The following CCNF variants were observed in gnomAD, a reference collection of about 807,000 sequenced individuals.
CCNF encodes the protein cyclin F.
In CCNF, 30 loss-of-function variants were observed where a neutral mutation model predicts 85.4. That is an observed-to-expected ratio of 0.35 (90% CI 0.26 to 0.48). The LOEUF is 0.48. Among genes scored for constraint, CCNF ranks in the 20% least tolerant of loss-of-function variants. The pLI, the probability that CCNF is intolerant of heterozygous loss-of-function variation, is 0.99. For missense variants in CCNF, 919 were observed against 1,010.4 expected (o/e 0.91, Z 1.23); for synonymous variants, 439 against 425.1 (o/e 1.03, Z -0.40).
At chr16:2,439,702 C>T (rs1567384912) in intron 7 of CCNF, 47 bp from the exon 8 acceptor site, 1 of 1,520,210 alleles carries the variant, frequency 6.6e-7, no homozygotes, top group South Asian at 1.1e-5. Context: ...TTCTGAGTTC[C>T]TCCCAAGACA....
intron 10 of CCNF, among the ~76,000 whole-genome samples, chr16:2,448,327 C>T (rs1299102894): frequency 6.6e-6 from 1 of 152,232 alleles, no homozygotes; most frequent in African/African-American, 2.4e-5. Flanking sequence ...GTGAGTCTGC[C>T]TAACAGCCTT....
intron 8 of CCNF, among the ~76,000 whole-genome samples, chr16:2,443,315 T>C (rs1159098434): frequency 6.6e-6 from 1 of 151,198 alleles, no homozygotes; most frequent in East Asian, 1.9e-4. Flanking sequence ...GGTGTAAACA[T>C]TGGCAGAAGC....
Position 2,451,111 on chromosome 16 carries a change from G to A in CCNF, c.1487+1196G>A, listed in dbSNP as rs1168053530. On this transcript the variant is annotated intron_variant, in intron 13 of 16. Transcript: ENST00000397066. The surrounding 1 kb of genome is among the most constrained non-coding windows in gnomAD (Gnocchi z 4.3). Reference sequence around the variant, plus strand: ...CCCTGGCAGCTTCCCTTCAGCCCACGTTGGTTTGTTCCATGCAGTTCATGA... The same window carrying A: ...CCCTGGCAGCTTCCCTTCAGCCCACATTGGTTTGTTCCATGCAGTTCATGA... 1.3e-5 allele frequency among the ~76,000 whole-genome samples: 2 copies of A among 152,216 alleles called. No homozygotes were observed. Among genetic ancestry groups the A allele is most frequent in the African/African-American group, 2.4e-5 (1 of 41,458 alleles).
In CCNF at chr16:2,430,884, G is replaced by A. The variant is rs145600387; in HGVS notation, c.17-246G>A. 6.0e-3 allele frequency: 3,959 copies of A among 658,280 alleles called. 26 individuals are homozygous for A. The highest frequency in any genetic ancestry group is 8.6e-3 in the Non-Finnish European group (3,047 of 355,900). 40.8% of individuals were successfully genotyped at this position (658,280 alleles called of 1,614,324 possible). A position where few individuals can be genotyped will look rare whatever the true frequency, so the allele number is the denominator to read the frequency against. Reference sequence around the variant, plus strand: ...CCAATAGCCAAGTTACATGACATGCGCTATTTGCCATAAATATTTGTTGAA... The same window carrying A: ...CCAATAGCCAAGTTACATGACATGCACTATTTGCCATAAATATTTGTTGAA... On this transcript the variant is annotated intron_variant, in intron 1 of 16. Transcript: ENST00000397066.
chr16:2,442,794 ATTC>A (rs1417336476), intron 8 of CCNF, among the ~76,000 whole-genome samples: 5,353 of 12,068 alleles, frequency 0.44, 2,456 homozygotes, highest in African/African-American at 0.91. Context: ...TATATATTAT[ATTC>A]TATAATATAT....
Position 2,443,958 on chromosome 16 carries a change from C to T in CCNF, c.929+158C>T, listed in dbSNP as rs372892772. On this transcript the variant is annotated intron_variant, in intron 9 of 16. Transcript: ENST00000397066. ...TTTTTGAAGTGGAGTCTCGCTCTGT[C>T]GCCCAGGCTGGAGTGCAGTGGCGCG... Among the ~76,000 whole-genome samples the T allele has an allele frequency of 1.5e-4, 22 of 149,326 alleles. No individual in the cohort carries two copies. In the East Asian group the frequency reaches 3.9e-3, roughly 27 times the overall value.
rs1238712993 is a variant in CCNF, at chr16:2,457,594, GCCACAGGCCCACT to G, written c.*577_*589del. 6.5e-6 allele frequency: 1 copy of G among 152,878 alleles called. No homozygotes were observed. The highest frequency in any genetic ancestry group is 1.5e-5 in the Non-Finnish European group (1 of 68,536). The allele number at this position is 152,878 out of a possible 1,614,324, so 9.5% of individuals were successfully genotyped here. A position where few individuals can be genotyped will look rare whatever the true frequency, so the allele number is the denominator to read the frequency against. On this transcript the variant is annotated 3_prime_UTR_variant, in exon 17 of 17. Coordinates refer to ENST00000397066, the MANE Select transcript of CCNF (RefSeq NM_001761.3). ...CCTGCACACTGCGAGGACTGCCTTG[GCCACAGGCCCACT>G]CCCTACGACACGTGACTCGTTTTAG... is the stretch of plus-strand genomic sequence containing the variant.
rs190773640 is a variant in CCNF, at chr16:2,443,838, G to A, written c.929+38G>A. On this transcript the variant is annotated intron_variant, in intron 9 of 16. Coordinates refer to ENST00000397066, the MANE Select transcript of CCNF (RefSeq NM_001761.3). Reference sequence around the variant, plus strand: ...GGCCGGGGCTTCTAATCAGAGCGGCGCGGAAGCCAGCCTCCAGGGGAAGGG... The same window carrying A: ...GGCCGGGGCTTCTAATCAGAGCGGCACGGAAGCCAGCCTCCAGGGGAAGGG... 256 of 1,592,668 alleles carry A rather than the reference G, an allele frequency of 1.6e-4. 3 individuals are homozygous for A. In the East Asian group the frequency reaches 3.0e-3, roughly 19 times the overall value.
At position 2,443,706 on chromosome 16, in the gene CCNF, T is replaced by G. The variant is rs368071746; in HGVS notation, c.835T>G (p.Ser279Ala). 6.2e-7 allele frequency: 1 copy of G among 1,614,050 alleles called. No individual in the cohort carries two copies. Among genetic ancestry groups the G allele is most frequent in the African/African-American group, 1.3e-5 (1 of 75,026 alleles). ...ANQLGLEVRA[S>A]SEIVCQLFQA... ...CCAGCTTGGACTGGAGGTGAGAGCT[T>G]CCAGTGAGATCGTCTGCCAGCTATT... The change falls in exon 9 of 17, where the codon TCC becomes GCC. Residue 279 changes from serine to alanine, a missense_variant. Ser to Ala is a moderately conservative substitution (Grantham distance 99). Coordinates refer to ENST00000397066, the MANE Select transcript of CCNF (RefSeq NM_001761.3).
In CCNF at chr16:2,435,664, CACATATATATATATATATATAT is replaced by C. The variant is rs1194926905; in HGVS notation, c.279-140_279-119del. ...ACACACATATATATATGCACACACA[CACATATATATATATATATATAT>C]ATATATATATATATATATTCAATTC... is the stretch of plus-strand genomic sequence containing the variant. On this transcript the variant is annotated intron_variant, in intron 3 of 16. Transcript: ENST00000397066. 63 of 165,458 alleles carry C rather than the reference CACATATATATATATATATATAT, an allele frequency of 3.8e-4. 1 individual carries two copies. The highest frequency in any genetic ancestry group is 8.5e-4 in the African/African-American group (33 of 38,614). The allele number at this position is 165,458 out of a possible 1,614,324, so 10.2% of individuals were successfully genotyped here.
rs540062861 is a variant in CCNF at position 2,443,286 on chromosome 16, G to A, written c.778-363G>A. Among the ~76,000 whole-genome samples the A allele has an allele frequency of 2.3e-4, 34 of 150,422 alleles. 1 individual carries two copies. The highest frequency in any genetic ancestry group is 1.8e-3 in the Admixed American group (26 of 14,746). ...TTTGCTGGGATGAAGCTGTGATGAG[G>A]CAGGTGCTCCTATTCCTGGGTGTAA... On this transcript the variant is annotated intron_variant, in intron 8 of 16. Coordinates refer to ENST00000397066, the MANE Select transcript of CCNF (RefSeq NM_001761.3).
intron 8 of CCNF, among the ~76,000 whole-genome samples, chr16:2,442,785 ATATATTATATTC>A (rs1567386396): frequency 3.0e-4 from 2 of 6,650 alleles, no homozygotes; most frequent in East Asian, 0.015. Context: ...ATATAATATT[ATATATTATATTC>A]TATAATATAT....
chr16:2,453,388 C>T lies in CCNF; in HGVS notation c.1588-22C>T. The T allele has an allele frequency of 1.2e-6, 2 of 1,613,832 alleles. No homozygotes were observed. The highest frequency in any genetic ancestry group is 1.7e-6 in the Non-Finnish European group (2 of 1,179,960). ...CCTCACCCTCGGGGCCTCTGCACCC[C>T]CTAACTCTAGCTTCCCCTCAGGTGC... On this transcript the variant is annotated intron_variant, in intron 14 of 16. Coordinates refer to ENST00000397066, the MANE Select transcript of CCNF (RefSeq NM_001761.3). This position sits in a 1 kb window ranked among gnomAD's most constrained non-coding sequence, Gnocchi z 5.6.
At position 2,452,369 on chromosome 16, in the gene CCNF, C is replaced by T. The variant is rs1406437539; in HGVS notation, c.1488-841C>T. ...TCTCCTGCAGTGCCCGGACCCTGTG[C>T]CTTCTGGGCAAGGAACGAGGCTGAC... is the stretch of plus-strand genomic sequence containing the variant. On this transcript the variant is annotated intron_variant, in intron 13 of 16. Transcript: ENST00000397066. This position sits in a 1 kb window ranked among gnomAD's most constrained non-coding sequence, Gnocchi z 4.1. 6.6e-6 allele frequency among the ~76,000 whole-genome samples: 1 copy of T among 152,162 alleles called. No homozygotes were observed. The highest frequency in any genetic ancestry group is 1.5e-5 in the Non-Finnish European group (1 of 68,038).
chr16:2,447,322 C>T (rs567312730), intron 10 of CCNF, among the ~76,000 whole-genome samples: 5 of 151,104 alleles, frequency 3.3e-5, no homozygotes, highest in East Asian at 3.9e-4. Context: ...CGGTGGCTCA[C>T]GCCTGTAATC....
chr16:2,429,478 G>T lies in CCNF; in HGVS notation c.-4G>T. 1 of 1,229,020 alleles carries T rather than the reference G, an allele frequency of 8.1e-7. No homozygotes were observed. 76.1% of individuals were successfully genotyped at this position (1,229,020 alleles called of 1,614,324 possible). A position where few individuals can be genotyped will look rare whatever the true frequency, so the allele number is the denominator to read the frequency against. ...GCTCCGGCGGCAGCGACGCGAGCGC[G>T]GCGATGGGGAGCGGCGGCGGTGAGT... On this transcript the variant is annotated 5_prime_UTR_variant, in exon 1 of 17. Transcript: ENST00000397066.
At chr16:2,441,347 G>A (rs1278563303) in intron 8 of CCNF, among the ~76,000 whole-genome samples, 1 of 152,138 alleles carries the variant, frequency 6.6e-6, no homozygotes, top group Non-Finnish European at 1.5e-5. Flanking sequence ...AGAGAGCCGT[G>A]ATCGCAACAT....
chr16:2,441,628 G>T lies in CCNF; in HGVS notation c.777+1802G>T, dbSNP rs554271710. ...AGCTCACTGCAACCTCTGACGCCTGGGTTCAAGCCTTCTGAGTAGCTGGGA... is the reference window on the plus strand; with the variant it reads ...AGCTCACTGCAACCTCTGACGCCTGTGTTCAAGCCTTCTGAGTAGCTGGGA... On this transcript the variant is annotated intron_variant, in intron 8 of 16. Transcript: ENST00000397066. 1.1e-4 allele frequency among the ~76,000 whole-genome samples: 16 copies of T among 151,882 alleles called. No individual in the cohort carries two copies. The East Asian group carries it at 3.1e-3, about 30-fold the overall frequency.
At chr16:2,443,159 TTATATATAA>T in intron 8 of CCNF, among the ~76,000 whole-genome samples, 1 of 131,884 alleles carries the variant, frequency 7.6e-6, no homozygotes, top group South Asian at 2.2e-4. Flanking sequence ...ATAATATATA[TTATATATAA>T]TATATATATA....
Sources: gnomAD v4.1 joint callset for allele counts (sites outside exome capture counted in the v4.1 genomes callset) on GRCh38, gnomAD v4.1.1 for gene constraint, Gnocchi (gnomAD v3.1) non-coding constraint, MANE v1.5 for transcripts, NCBI Gene and HGNC (gene_info 2026-07-23, HGNC 2026-07-21) for gene names.